SDCCAG8: variants seen among roughly 807,000 people sequenced by gnomAD.
The protein encoded by SDCCAG8 is SHH signaling and ciliogenesis regulator SDCCAG8.
Under a neutral mutation model 101.8 loss-of-function variants are expected in SDCCAG8, and 74 were observed. The observed-to-expected ratio is 0.73, with a 90% CI of 0.60 to 0.88. The LOEUF (loss-of-function observed/expected upper bound fraction) is 0.88. SDCCAG8 is among the 40% of genes least tolerant of loss of function. The probability of loss-of-function intolerance (pLI) is 0.00; values close to 1 mark genes in which losing one functional copy is unlikely to be tolerated. For missense variants in SDCCAG8, 787 were observed against 822.6 expected (o/e 0.96, Z 0.53); for synonymous variants, 281 against 292.9 (o/e 0.96, Z 0.41).
chr1:243,267,696 G>C, intron 1 of SDCCAG8: 1 of 785,702 alleles, frequency 1.3e-6, no homozygotes, highest in Non-Finnish European at 2.3e-6. Flanking sequence ...AAGCAGTCAT[G>C]TGCATAGGTT....
intron 1 of SDCCAG8, among the ~76,000 whole-genome samples, chr1:243,260,213 T>G (rs1055413440): frequency 6.6e-5 from 10 of 152,182 alleles, no homozygotes; most frequent in African/African-American, 2.4e-4. Flanking sequence ...ACATAGTAAA[T>G]GGTCTGAAAG....
intron 16 of SDCCAG8, among the ~76,000 whole-genome samples, chr1:243,438,561 C>T (rs1164652436): frequency 2.0e-5 from 3 of 151,520 alleles, no homozygotes; most frequent in Non-Finnish European, 4.4e-5. Context: ...CACACGTGCG[C>T]GTGCACCTGC....
Position 243,307,498 on chromosome 1 carries a change from A to AT in SDCCAG8, c.741-490dup, listed in dbSNP as rs1397330369. 1.1e-5 allele frequency: 11 copies of AT among 984,272 alleles called. No homozygotes were observed. The Admixed American group carries it at 2.5e-4, about 22-fold the overall frequency. 61.0% of individuals were successfully genotyped at this position (984,272 alleles called of 1,614,324 possible). A position where few individuals can be genotyped will look rare whatever the true frequency, so the allele number is the denominator to read the frequency against. ...ATGGGCAGTAATAAACTAGTCAAGG[A>AT]TAAAAATCCATGTTTTTTTATGTGA... On this transcript the variant is annotated intron_variant, in intron 7 of 17. Coordinates refer to ENST00000366541, the MANE Select transcript of SDCCAG8 (RefSeq NM_006642.5).
At chr1:243,329,980 C>T (rs2074471081) in intron 9 of SDCCAG8, among the ~76,000 whole-genome samples, 1 of 152,046 alleles carries the variant, frequency 6.6e-6, no homozygotes, top group South Asian at 2.1e-4. Context: ...ATTTTTACTT[C>T]AGTTGTATGT....
At chr1:243,418,565 T>C (rs1175720547) in intron 15 of SDCCAG8, among the ~76,000 whole-genome samples, 10 of 152,232 alleles carry the variant, frequency 6.6e-5, no homozygotes, top group Admixed American at 6.5e-4. Context: ...AATTGTTATA[T>C]TTTAATAGAA....
At chr1:243,490,201 C>G (rs964591525) in intron 17 of SDCCAG8, among the ~76,000 whole-genome samples, 1 of 152,262 alleles carries the variant, frequency 6.6e-6, no homozygotes, top group African/African-American at 2.4e-5. Flanking sequence ...TCCAAAATCC[C>G]TCTGCCAAAC....
chr1:243,440,379 G>T (rs1195948116), intron 16 of SDCCAG8, among the ~76,000 whole-genome samples: 1 of 152,146 alleles, frequency 6.6e-6, no homozygotes, highest in Admixed American at 6.5e-5. Context: ...AAGCTCTGCT[G>T]CTAGACAGGA....
rs1312586731 is a variant in SDCCAG8, at chr1:243,348,350, TGGG to T, written c.1473+4021_1473+4023del. Among the ~76,000 whole-genome samples the T allele has an allele frequency of 3.3e-5, 5 of 151,506 alleles. No homozygotes were observed. The East Asian group carries it at 9.8e-4, about 30-fold the overall frequency. On this transcript the variant is annotated intron_variant, in intron 12 of 17. Transcript: ENST00000366541. ...CAGGCATGAGCCACCGCGCCCGGCC[TGGG>T]GCGGGAATTCTTACCTCCCTGTCCA...
At chr1:243,400,654 T>C (rs1178215363) in intron 13 of SDCCAG8, among the ~76,000 whole-genome samples, 1 of 152,238 alleles carries the variant, frequency 6.6e-6, no homozygotes, top group Non-Finnish European at 1.5e-5. Flanking sequence ...CTTTATGTGA[T>C]AATTCTATTT....
chr1:243,268,749 G>A (rs1558208188), intron 1 of SDCCAG8, among the ~76,000 whole-genome samples: 1 of 152,094 alleles, frequency 6.6e-6, no homozygotes, highest in Non-Finnish European at 1.5e-5. Context: ...CAGTGCACTT[G>A]GACAAAATGG....
Position 243,435,837 on chromosome 1 carries a change from T to A in SDCCAG8, c.1985+9279T>A, listed in dbSNP as rs546731028. ...GGATATATCTATCTAGTTGCTTCTT[T>A]ACAATCGTATTTTCAGCATAGTTAG... On this transcript the variant is annotated intron_variant, in intron 16 of 17. Transcript: ENST00000366541. Among the ~76,000 whole-genome samples, 1,354 of 152,140 alleles carry A rather than the reference T, an allele frequency of 8.9e-3. 27 individuals are homozygous for A. The highest frequency in any genetic ancestry group is 0.031 in the African/African-American group (1,306 of 41,476).
chr1:243,496,657 C>A (rs1667986806), intron 17 of SDCCAG8, among the ~76,000 whole-genome samples: 1 of 152,192 alleles, frequency 6.6e-6, no homozygotes, highest in Non-Finnish European at 1.5e-5. Context: ...GGGGTGCCAC[C>A]ATCTCCCCGG....
chr1:243,357,051 G>C (rs182228009), intron 12 of SDCCAG8, among the ~76,000 whole-genome samples: 1 of 152,076 alleles, frequency 6.6e-6, no homozygotes, highest in East Asian at 1.9e-4. Context: ...TTTTTCAGAA[G>C]ATGCTTCTTA....
At chr1:243,452,143 G>A (rs1435628154) in intron 16 of SDCCAG8, among the ~76,000 whole-genome samples, 1 of 152,132 alleles carries the variant, frequency 6.6e-6, no homozygotes, top group Non-Finnish European at 1.5e-5. Flanking sequence ...CAGACAGTAG[G>A]CCACACACCA....
chr1:243,412,313 A>C (rs1024236436), intron 13 of SDCCAG8, among the ~76,000 whole-genome samples: 2 of 152,186 alleles, frequency 1.3e-5, no homozygotes, highest in African/African-American at 2.4e-5. Context: ...CCTGGGCCAC[A>C]CTGGAAGAAG....
chr1:243,449,701 G>A (rs1015691276), intron 16 of SDCCAG8, among the ~76,000 whole-genome samples: 5 of 152,170 alleles, frequency 3.3e-5, no homozygotes, highest in Non-Finnish European at 5.9e-5. Flanking sequence ...GCATTTCGTA[G>A]TTCTCATTTT....
At chr1:243,415,863 T>C (rs769405475) in intron 14 of SDCCAG8, 34 bp downstream of exon 14, 1 of 1,610,192 alleles carries the variant, frequency 6.2e-7, no homozygotes, top group South Asian at 1.1e-5. Flanking sequence ...GCCTGGGCAC[T>C]AGCTCACAAG....
chr1:243,296,604 G>GCGATCTCC (rs985847261), intron 6 of SDCCAG8, among the ~76,000 whole-genome samples: 5 of 133,224 alleles, frequency 3.8e-5, no homozygotes, highest in African/African-American at 5.6e-5. Context: ...GTGCTGTGGC[G>GCGATCTCC]CGATCTCCGC....
intron 16 of SDCCAG8, among the ~76,000 whole-genome samples, chr1:243,430,528 T>C (rs1473454693): frequency 6.6e-6 from 1 of 152,074 alleles, no homozygotes; most frequent in South Asian, 2.1e-4. Context: ...CACTGCAAGC[T>C]CCGCCTCCCA....
Sources: gnomAD v4.1 joint callset for allele counts (sites outside exome capture counted in the v4.1 genomes callset) on GRCh38, gnomAD v4.1.1 for gene constraint, MANE v1.5 for transcripts, NCBI Gene and HGNC (gene_info 2026-07-23, HGNC 2026-07-21) for gene names.